Variants in CPLX4 observed in about 807,000 individuals in gnomAD.
CPLX4 encodes the protein complexin-4.
Under a neutral mutation model 16.1 loss-of-function variants are expected in CPLX4, and 17 were observed. The observed-to-expected ratio is 1.06, with a 90% CI of 0.72 to 1.59. CPLX4 has a LOEUF of 1.59. Among genes scored for constraint, CPLX4 ranks in the 40% most tolerant of loss-of-function variants. The pLI is 0.00. For missense variants in CPLX4, 193 were observed against 192.9 expected (o/e 1.00, Z 0.00); for synonymous variants, 55 against 57.8 (o/e 0.95, Z 0.22).
intron 1 of CPLX4, among the ~76,000 whole-genome samples, chr18:59,315,564 T>C (rs1209137759): frequency 2.0e-5 from 3 of 152,224 alleles, no homozygotes; most frequent in Non-Finnish European, 4.4e-5. Context: ...TTATGGTCAT[T>C]GATATGGTCA....
intron 2 of CPLX4, among the ~76,000 whole-genome samples, chr18:59,311,366 C>T (rs976893554): frequency 7.2e-5 from 11 of 152,190 alleles, no homozygotes; most frequent in Non-Finnish European, 1.3e-4. Context: ...AACCCAGGTT[C>T]CTTGGGCACC....
intron 1 of CPLX4, 77 bp from the exon 2 acceptor site, chr18:59,312,849 C>T: frequency 1.3e-6 from 1 of 748,730 alleles, no homozygotes; most frequent in Non-Finnish European, 2.3e-6. Context: ...AGGAGCCAGA[C>T]ACAGGGTTAC....
chr18:59,303,806 C>T (rs2070557535), intron 2 of CPLX4, among the ~76,000 whole-genome samples: 2 of 152,192 alleles, frequency 1.3e-5, no homozygotes, highest in Admixed American at 6.5e-5. Context: ...GACATGTAGT[C>T]CATTGCTCTT....
chr18:59,307,449 C>A (rs1296063892), intron 2 of CPLX4, among the ~76,000 whole-genome samples: 1 of 152,164 alleles, frequency 6.6e-6, no homozygotes, highest in Non-Finnish European at 1.5e-5. Flanking sequence ...GGAAGCCAAG[C>A]CCCAAAGAGG....
chr18:59,312,707 C>T lies in CPLX4; in HGVS notation c.233G>A (p.Arg78Lys), dbSNP rs1258245648. The change falls in exon 2 of 3, where the codon AGA becomes AAA. Residue 78 changes from arginine (R) to lysine (K), a missense_variant. Transcript: ENST00000299721. ...AERACLRVHL[R>K]EKYRLPKSEM... is the part of the protein sequence containing the mutation. ...TACCTTTGGGAGCCTGTATTTTTCT[C>T]TGAGATGAACTCTGAGGCATGCCCT... 17 of 1,399,472 alleles carry T rather than the reference C, an allele frequency of 1.2e-5. No individual in the cohort carries two copies. Among genetic ancestry groups the T allele is most frequent in the Non-Finnish European group, 1.7e-5 (17 of 984,354 alleles). 86.7% of individuals were successfully genotyped at this position (1,399,472 alleles called of 1,614,324 possible).
Position 59,295,996 on chromosome 18 carries a change from T to A in CPLX4, c.*702A>T, listed in dbSNP as rs1391048543. The A allele has an allele frequency of 6.6e-6, 1 of 152,328 alleles. No homozygotes were observed. Among genetic ancestry groups the A allele is most frequent in the African/African-American group, 2.4e-5 (1 of 41,470 alleles). The allele number at this position is 152,328 out of a possible 1,614,324, so 9.4% of individuals were successfully genotyped here. A position where few individuals can be genotyped will look rare whatever the true frequency, so the allele number is the denominator to read the frequency against. The stretch of plus-strand genomic sequence containing the variant: ...CGTCTGCCTGGTTTCCCTCTGCCTC[T>A]AATTGTGCCTCCCTTGGTTCCATTC... On this transcript the variant is annotated 3_prime_UTR_variant, in exon 3 of 3. Coordinates refer to ENST00000299721, the MANE Select transcript of CPLX4 (RefSeq NM_181654.4).
intron 1 of CPLX4, among the ~76,000 whole-genome samples, chr18:59,316,179 C>A (rs551403864): frequency 6.6e-6 from 1 of 152,224 alleles, no homozygotes; most frequent in African/African-American, 2.4e-5. Context: ...GAGAAACAGA[C>A]TATTGTTTTA....
chr18:59,310,895 A>G (rs1341887341), intron 2 of CPLX4, among the ~76,000 whole-genome samples: 1 of 151,998 alleles, frequency 6.6e-6, no homozygotes, highest in East Asian at 1.9e-4. Context: ...ACAGTTGCCA[A>G]AAATAAATCT....
At chr18:59,317,106 C>T (rs1363938539) in intron 1 of CPLX4, among the ~76,000 whole-genome samples, 2 of 152,076 alleles carry the variant, frequency 1.3e-5, no homozygotes. Context: ...TCTAGGTAGT[C>T]TATAAGCCAT....
chr18:59,297,221 G>A (rs2070507968), intron 2 of CPLX4, among the ~76,000 whole-genome samples: 3 of 151,908 alleles, frequency 2.0e-5, no homozygotes, highest in Non-Finnish European at 2.9e-5. Context: ...AAATTCTTGG[G>A]CCCCATCCCA....
In CPLX4 at chr18:59,318,558, G is replaced by A; in HGVS notation, c.-96C>T. ...GAGAAAACCTCCAAATATTCTCAAT[G>A]ACAGCAATACATTTAAGAGCAAAGG... is the stretch of plus-strand genomic sequence containing the variant. On this transcript the variant is annotated 5_prime_UTR_variant, in exon 1 of 3. Transcript: ENST00000299721. The A allele has an allele frequency of 6.1e-6, 9 of 1,479,792 alleles. No homozygotes were observed. Among genetic ancestry groups the A allele is most frequent in the Middle Eastern group, 2.1e-4 (1 of 4,710 alleles). 91.7% of individuals were successfully genotyped at this position (1,479,792 alleles called of 1,614,324 possible). A position where few individuals can be genotyped will look rare whatever the true frequency, so the allele number is the denominator to read the frequency against.
At chr18:59,316,210 T>C (rs1340244084) in intron 1 of CPLX4, among the ~76,000 whole-genome samples, 1 of 152,212 alleles carries the variant, frequency 6.6e-6, no homozygotes, top group Non-Finnish European at 1.5e-5. Flanking sequence ...AGATAGTCTA[T>C]TTATGTTTAG....
chr18:59,310,227 C>G (rs1180767666), intron 2 of CPLX4, among the ~76,000 whole-genome samples: 1 of 138,632 alleles, frequency 7.2e-6, no homozygotes, highest in Admixed American at 7.3e-5. Context: ...ATGTCGGTCC[C>G]TCCCCCTAGC....
At chr18:59,306,787 C>A (rs1170211735) in intron 2 of CPLX4, among the ~76,000 whole-genome samples, 1 of 152,180 alleles carries the variant, frequency 6.6e-6, no homozygotes. Context: ...GGGTCTAGAA[C>A]TGAATCCTGC....
At chr18:59,296,988 A>C in intron 2 of CPLX4, 63 bp from the exon 3 acceptor site, 2 of 1,547,250 alleles carry the variant, frequency 1.3e-6, no homozygotes, top group Non-Finnish European at 8.7e-7. Context: ...TAACTAAATA[A>C]ATTTTAAAAG....
chr18:59,295,696 G>A lies in CPLX4; in HGVS notation c.*1002C>T, dbSNP rs2070494676. ...CTTTTGAAAGAGAGCAGATATTAGG[G>A]GGGAAAAATCAGTGTCTACCCTGAA... On this transcript the variant is annotated 3_prime_UTR_variant, in exon 3 of 3. Coordinates refer to ENST00000299721, the MANE Select transcript of CPLX4 (RefSeq NM_181654.4). The A allele has an allele frequency of 6.6e-6, 1 of 152,030 alleles. No individual in the cohort carries two copies. The highest frequency in any genetic ancestry group is 2.1e-4 in the South Asian group (1 of 4,814). The allele number at this position is 152,030 out of a possible 1,614,324, so 9.4% of individuals were successfully genotyped here.
At chr18:59,317,820 G>GTT (rs11284122) in intron 1 of CPLX4, among the ~76,000 whole-genome samples, 5,840 of 140,408 alleles carry the variant, frequency 0.042, 370 homozygotes, top group African/African-American at 0.13. Context: ...TGCTTCCTGG[G>GTT]TTTTTTTTTT....
intron 2 of CPLX4, 102 bp from the exon 3 acceptor site, chr18:59,297,027 G>A (rs2070506654): frequency 1.4e-6 from 2 of 1,479,078 alleles, no homozygotes; most frequent in Admixed American, 2.7e-5. Flanking sequence ...AGAGAATACA[G>A]GAAGTGAGTG....
intron 2 of CPLX4, among the ~76,000 whole-genome samples, chr18:59,306,589 G>A (rs1359264820): frequency 6.6e-6 from 1 of 152,216 alleles, no homozygotes; most frequent in Non-Finnish European, 1.5e-5. Context: ...TTTTCAAAGA[G>A]TCTACATTTG....
Sources: allele counts gnomAD v4.1 joint callset (sites outside exome capture counted in the v4.1 genomes callset), GRCh38; gene constraint gnomAD v4.1.1; transcripts MANE v1.5; gene names NCBI Gene and HGNC (gene_info 2026-07-23, HGNC 2026-07-21).